LRRC66: variants seen among roughly 807,000 people sequenced by gnomAD.
LRRC66 encodes leucine rich repeat containing 66.
A neutral mutation model predicts 24.6 loss-of-function variants in LRRC66; 29 were observed. That is an observed-to-expected ratio of 1.18 (90% CI 0.88 to 1.61). The LOEUF is 1.61. Among genes scored for constraint, LRRC66 ranks in the 40% most tolerant of loss-of-function variants. The probability of loss-of-function intolerance (pLI) is 0.00; values close to 1 mark genes in which losing one functional copy is unlikely to be tolerated. For missense variants in LRRC66, 1,124 were observed against 1,058.0 expected (o/e 1.06, Z -0.87); for synonymous variants, 411 against 397.6 (o/e 1.03, Z -0.40).
In LRRC66 at chr4:51,994,128, C is replaced by T. The variant is rs150288718; in HGVS notation, c.*251G>A. The T allele has an allele frequency of 8.0e-5, 34 of 423,652 alleles. No homozygotes were observed. The highest frequency in any genetic ancestry group is 6.2e-4 in the African/African-American group (31 of 49,748). 26.2% of individuals were successfully genotyped at this position (423,652 alleles called of 1,614,324 possible). ...TTCTTGGAATGATCTCAAAATATTC[C>T]CCTCTTTCTCTTTCACACTGAAGAG... On this transcript the variant is annotated 3_prime_UTR_variant, in exon 5 of 5. Transcript: ENST00000682860.
At chr4:52,011,925 C>G (rs1736713665) in intron 2 of LRRC66, among the ~76,000 whole-genome samples, 1 of 152,156 alleles carries the variant, frequency 6.6e-6, no homozygotes, top group African/African-American at 2.4e-5. Flanking sequence ...TGACTGATGC[C>G]TGTAATCCCA....
At chr4:51,996,472 G>A (rs1261166030) in intron 4 of LRRC66, among the ~76,000 whole-genome samples, 2 of 151,906 alleles carry the variant, frequency 1.3e-5, no homozygotes, top group Admixed American at 1.3e-4. Context: ...GCCAAGGCTG[G>A]TCTCAAACTC....
Position 51,995,084 on chromosome 4 carries a change from C to T in LRRC66, c.1938G>A (p.Glu646=). The change falls in exon 5 of 5, where the codon GAG becomes GAA. Residue 646 remains glutamate (E), a synonymous_variant. Coordinates refer to ENST00000682860, the MANE Select transcript of LRRC66 (RefSeq NM_001024611.3). Reference sequence around the variant, plus strand: ...CGCTGTAGTGGGCTGAAAGCGCTTCCTCAGCCCTTGCCCCGGACAGCCTTG... The same window carrying T: ...CGCTGTAGTGGGCTGAAAGCGCTTCTTCAGCCCTTGCCCCGGACAGCCTTG... ...QQPRLSGARA[E]EALSAHYSEV... The T allele has an allele frequency of 1.2e-6, 2 of 1,614,222 alleles. No individual in the cohort carries two copies. The highest frequency in any genetic ancestry group is 1.7e-6 in the Non-Finnish European group (2 of 1,180,038).
In LRRC66 at chr4:51,995,579, A is replaced by G; in HGVS notation, c.1443T>C (p.Asp481=). The part of the protein sequence containing the change: ...PDRTLGRSRK[D]PGSSQSPGQC... ...GTCCTGGGCTCTGCGAACTGCCAGGATCCTTTCTGCTCCTTCCCAGAGTTC... is the reference window on the plus strand; with the variant it reads ...GTCCTGGGCTCTGCGAACTGCCAGGGTCCTTTCTGCTCCTTCCCAGAGTTC... The change falls in exon 5 of 5, where the codon GAT becomes GAC. Residue 481 remains aspartate, a synonymous_variant. Transcript: ENST00000682860. The G allele has an allele frequency of 3.7e-6, 6 of 1,613,990 alleles. No individual in the cohort carries two copies. The highest frequency in any genetic ancestry group is 5.1e-6 in the Non-Finnish European group (6 of 1,179,998).
chr4:52,005,870 C>T (rs898735793), intron 2 of LRRC66, among the ~76,000 whole-genome samples: 23 of 152,142 alleles, frequency 1.5e-4, no homozygotes, highest in African/African-American at 5.1e-4. Context: ...GGCTGAAGGC[C>T]AGTTGTTAAA....
intron 2 of LRRC66, among the ~76,000 whole-genome samples, chr4:52,007,010 AT>A (rs1476798582): frequency 1.3e-5 from 2 of 152,176 alleles, no homozygotes; most frequent in Non-Finnish European, 2.9e-5. Context: ...CTAAAAACAA[AT>A]AAAAACAACC....
chr4:51,994,795 T>A lies in LRRC66; in HGVS notation c.2227A>T (p.Ser743Cys), dbSNP rs143945485. The A allele has an allele frequency of 8.1e-6, 13 of 1,614,226 alleles. No individual in the cohort carries two copies. The highest frequency in any genetic ancestry group is 1.1e-5 in the Non-Finnish European group (13 of 1,180,024). ...TCTACAGCCGTCACATTGTCCTTGC[T>A]TGCCCCTGAGCTCTCGTCCTGCAGG... The part of the protein sequence containing the change: ...ESLQDESSGA[S>C]KDNVTAVDSL... The change falls in exon 5 of 5, where the codon AGC (serine) becomes TGC (cysteine). Residue 743 changes from serine to cysteine, a missense_variant. Ser to Cys is a moderately radical substitution (Grantham distance 112, BLOSUM62 -1). Transcript: ENST00000682860.
intron 1 of LRRC66, chr4:52,018,206 C>T (rs909388855): frequency 7.1e-6 from 7 of 985,200 alleles, no homozygotes; most frequent in Non-Finnish European, 7.2e-6. Context: ...CATTTAGATA[C>T]ATACAACATA....
rs1381029173 is a variant in LRRC66 at position 52,017,413 on chromosome 4, T to TA, written c.200dup (p.Ser68LysfsTer6). The TA allele has an allele frequency of 6.2e-7, 1 of 1,614,084 alleles. No individual in the cohort carries two copies. Among genetic ancestry groups the TA allele is most frequent in the Non-Finnish European group, 8.5e-7 (1 of 1,180,034 alleles). ...AGAGAACTCTAAAGAAATTGAAACT[T>TA]ACATCCACAGTGGCTGCTGTCTGTG... is the stretch of plus-strand genomic sequence containing the variant. On this transcript the variant is annotated frameshift_variant, in exon 2 of 5. Coordinates refer to ENST00000682860, the MANE Select transcript of LRRC66 (RefSeq NM_001024611.3). LOFTEE classifies it high-confidence loss of function.
Position 52,003,365 on chromosome 4 carries a change from C to A in LRRC66, c.524G>T (p.Ser175Ile). Residue 175 changes from serine to isoleucine, a missense_variant, in exon 3 of 5, where the codon AGT (serine) becomes ATT (isoleucine). Physicochemically the swap from Ser to Ile is moderately radical, Grantham distance 142. Transcript: ENST00000682860. ...TATCCCATTGAATGACAGATCCAAA[C>A]TCTGCAATGACTTCAGTTTCCACAG... ...KGLWKLKSLQ[S>I]LDLSFNGILQ... 1 of 1,613,246 alleles carries A rather than the reference C, an allele frequency of 6.2e-7. No individual in the cohort carries two copies. The highest frequency in any genetic ancestry group is 8.5e-7 in the Non-Finnish European group (1 of 1,179,756).
intron 3 of LRRC66, among the ~76,000 whole-genome samples, chr4:52,002,867 C>G (rs1291672527): frequency 6.6e-6 from 1 of 152,152 alleles, no homozygotes; most frequent in Non-Finnish European, 1.5e-5. Context: ...ACCCCTGGGA[C>G]CTTTGACCAA....
At chr4:52,013,494 A>G (rs1736743949) in intron 2 of LRRC66, among the ~76,000 whole-genome samples, 2 of 152,236 alleles carry the variant, frequency 1.3e-5, no homozygotes, top group Non-Finnish European at 2.9e-5. Flanking sequence ...CAGATTAACC[A>G]GAGACTGATC....
chr4:52,017,473 AG>A lies in LRRC66; in HGVS notation c.140del (p.Ser47PhefsTer21), dbSNP rs750444213. 6.2e-7 allele frequency: 1 copy of A among 1,614,118 alleles called. No homozygotes were observed. The highest frequency in any genetic ancestry group is 1.1e-5 in the South Asian group (1 of 91,074). On this transcript the variant is annotated frameshift_variant, in exon 2 of 5. Coordinates refer to ENST00000682860, the MANE Select transcript of LRRC66 (RefSeq NM_001024611.3). LOFTEE classifies it high-confidence loss of function. ...QWNEYILTNC[S>X]FTGKCDIPVD... ...CAGGTATATCACACTTTCCGGTAAA[AG>A]AACAATTTGTCAGAATATATTCATT... is the stretch of plus-strand genomic sequence containing the variant.
At chr4:52,009,517 A>C (rs1474323414) in intron 2 of LRRC66, among the ~76,000 whole-genome samples, 1 of 152,146 alleles carries the variant, frequency 6.6e-6, no homozygotes, top group Non-Finnish European at 1.5e-5. Context: ...ATCAGAAAAG[A>C]GAAGATATAA....
At chr4:52,013,697 G>A (rs1001811828) in intron 2 of LRRC66, among the ~76,000 whole-genome samples, 3 of 152,182 alleles carry the variant, frequency 2.0e-5, no homozygotes, top group Non-Finnish European at 4.4e-5. Context: ...TGACTCTGAA[G>A]ACAGGGTTAG....
At chr4:52,011,974 CAGGAGTTCAAA>C (rs1736715839) in intron 2 of LRRC66, among the ~76,000 whole-genome samples, 1 of 152,100 alleles carries the variant, frequency 6.6e-6, no homozygotes, top group Non-Finnish European at 1.5e-5. Flanking sequence ...CACTTGAGGT[CAGGAGTTCAAA>C]ACCAGCCTGG....
chr4:52,000,930 G>C (rs1005299206), intron 3 of LRRC66, among the ~76,000 whole-genome samples: 3 of 152,192 alleles, frequency 2.0e-5, no homozygotes, highest in Non-Finnish European at 4.4e-5. Flanking sequence ...TTTTAAGCTG[G>C]TAAGTTTGTA....
intron 1 of LRRC66, chr4:52,018,253 G>A: frequency 1.0e-6 from 1 of 985,186 alleles, no homozygotes; most frequent in Non-Finnish European, 1.2e-6. Flanking sequence ...TCCAAGCCAT[G>A]AAGATGTAAT....
intron 2 of LRRC66, among the ~76,000 whole-genome samples, chr4:52,013,813 C>T (rs1423986575): frequency 2.6e-5 from 4 of 152,174 alleles, no homozygotes; most frequent in Non-Finnish European, 5.9e-5. Context: ...TACATAGTTA[C>T]AAAGGTTGCT....
Sources: gnomAD v4.1 joint callset for allele counts (sites outside exome capture counted in the v4.1 genomes callset) on GRCh38, gnomAD v4.1.1 for gene constraint, MANE v1.5 for transcripts, NCBI Gene and HGNC (gene_info 2026-07-23, HGNC 2026-07-21) for gene names.